KAZN: variants seen among roughly 807,000 people sequenced by gnomAD.
KAZN encodes kazrin, periplakin interacting protein, also known as kazrin.
A neutral mutation model predicts 87.4 loss-of-function variants in KAZN; 40 were observed. That is an observed-to-expected ratio of 0.46 (90% CI 0.36 to 0.60). The LOEUF (loss-of-function observed/expected upper bound fraction) is 0.60. Ranked by LOEUF, KAZN falls within the 20% of genes least tolerant of loss-of-function variation. The probability of loss-of-function intolerance (pLI) is 0.00; values close to 1 mark genes in which losing one functional copy is unlikely to be tolerated. For synonymous variants in KAZN, 466 were observed against 458.3 expected, an observed-to-expected ratio of 1.02 and a Z score of -0.22; for missense variants, 898 against 1,073.9, an observed-to-expected ratio of 0.84 and a Z score of 2.29.
At chr1:15,057,312 C>G (rs1453222085) in intron 5 of KAZN, among the ~76,000 whole-genome samples, 1 of 152,252 alleles carries the variant, frequency 6.6e-6, no homozygotes, top group Non-Finnish European at 1.5e-5. Context: ...TCTTAGCACA[C>G]AACGTACGTT....
chr1:14,592,274 G>A (rs561031541), intron 2 of KAZN, among the ~76,000 whole-genome samples: 1 of 152,176 alleles, frequency 6.6e-6, no homozygotes, highest in Non-Finnish European at 1.5e-5. Flanking sequence ...GGGATGAGGA[G>A]GGCACACAGG....
At chr1:14,717,490 G>A (rs937145958) in intron 1 of KAZN, among the ~76,000 whole-genome samples, 7 of 152,044 alleles carry the variant, frequency 4.6e-5, no homozygotes, top group Non-Finnish European at 7.4e-5. Flanking sequence ...GGCAGCATCC[G>A]ATCTCTGCCC....
At chr1:13,921,857 T>C (rs1482348452) in intron 1 of KAZN, among the ~76,000 whole-genome samples, 1 of 152,090 alleles carries the variant, frequency 6.6e-6, no homozygotes, top group African/African-American at 2.4e-5. Flanking sequence ...GATCTCGATC[T>C]CCTGACCTCG....
rs114101178 is a variant in KAZN at position 14,892,849 on chromosome 1, C to A, written c.227-67835C>A. On this transcript the variant is annotated intron_variant, in intron 1 of 14. Transcript: ENST00000376030. ...TCTCCAATACCTACACACACACACA[C>A]AAAAGCTTCCAGAAGAAAGGAAAAA... 4.4e-3 allele frequency among the ~76,000 whole-genome samples: 670 copies of A among 152,204 alleles called. 4 individuals carry two copies. The highest frequency in any genetic ancestry group is 0.015 in the African/African-American group (629 of 41,522).
chr1:14,188,795 T>G (rs141958481), intron 2 of KAZN, among the ~76,000 whole-genome samples: 264 of 152,252 alleles, frequency 1.7e-3, no homozygotes, highest in African/African-American at 6.2e-3. Flanking sequence ...GGAAAGTAAT[T>G]TCATTGCCAA....
rs562841609 is a variant in KAZN, at chr1:14,996,445, G to A, written c.418+35570G>A. On this transcript the variant is annotated intron_variant, in intron 2 of 14. Transcript: ENST00000376030. This position sits in a 1 kb window ranked among gnomAD's most constrained non-coding sequence, Gnocchi z 5.9. The stretch of plus-strand genomic sequence containing the variant: ...TAGTCATCACTGTATCATCAGACCC[G>A]GCACAGGGCCTGGCCTACAGTGGGT... 3.3e-5 allele frequency among the ~76,000 whole-genome samples: 5 copies of A among 152,178 alleles called. No individual in the cohort carries two copies. The highest frequency in any genetic ancestry group is 6.5e-5 in the Admixed American group (1 of 15,276).
At chr1:14,779,696 A>G (rs983537300) in intron 1 of KAZN, among the ~76,000 whole-genome samples, 6 of 152,114 alleles carry the variant, frequency 3.9e-5, no homozygotes, top group Non-Finnish European at 7.4e-5. Flanking sequence ...AGTTCCTGGG[A>G]AGGGTTTGGC....
intron 1 of KAZN, among the ~76,000 whole-genome samples, chr1:14,826,183 C>G (rs553150118): frequency 1.3e-5 from 2 of 152,236 alleles, no homozygotes; most frequent in South Asian, 4.2e-4. Context: ...GACAGAGGCA[C>G]AGAGAGACTC....
chr1:14,032,496 C>T (rs768496555), intron 1 of KAZN, among the ~76,000 whole-genome samples: 1 of 152,206 alleles, frequency 6.6e-6, no homozygotes, highest in Non-Finnish European at 1.5e-5. Context: ...GTAGAATCCA[C>T]CAACCTCTGT....
At chr1:14,859,124 G>A (rs1051734443) in intron 1 of KAZN, among the ~76,000 whole-genome samples, 2 of 151,800 alleles carry the variant, frequency 1.3e-5, no homozygotes, top group Admixed American at 6.6e-5. Context: ...GGAGAATGGC[G>A]TGAACCTGGG....
At chr1:13,915,991 G>A (rs1323336229) in intron 1 of KAZN, among the ~76,000 whole-genome samples, 2 of 152,224 alleles carry the variant, frequency 1.3e-5, no homozygotes, top group Non-Finnish European at 2.9e-5. Context: ...AAGCATTGGT[G>A]GAAGCTGTGG....
intron 1 of KAZN, among the ~76,000 whole-genome samples, chr1:13,983,463 G>C (rs1380790046): frequency 6.6e-6 from 1 of 152,232 alleles, no homozygotes; most frequent in Non-Finnish European, 1.5e-5. Context: ...CTGAGTGCAG[G>C]GCCCGCCAAG....
At chr1:14,190,717 C>T (rs1038029602) in intron 2 of KAZN, among the ~76,000 whole-genome samples, 5 of 152,098 alleles carry the variant, frequency 3.3e-5, no homozygotes, top group Admixed American at 1.3e-4. Context: ...TGAGGGATCA[C>T]GTGGAGCCCA....
chr1:14,218,501 A>C (rs769674211), intron 2 of KAZN, among the ~76,000 whole-genome samples: 11 of 152,192 alleles, frequency 7.2e-5, no homozygotes, highest in Non-Finnish European at 1.5e-4. Flanking sequence ...TGTCATACAC[A>C]TACCTCGTTA....
chr1:14,101,194 G>C (rs1301917283), intron 1 of KAZN, among the ~76,000 whole-genome samples: 1 of 152,130 alleles, frequency 6.6e-6, no homozygotes, highest in Non-Finnish European at 1.5e-5. Context: ...TTGCAAACAG[G>C]CCTTGAAAGG....
rs1638914536 is a variant in KAZN, at chr1:13,984,475, C to A, written c.91+90719C>A. Among the ~76,000 whole-genome samples the A allele has an allele frequency of 2.0e-5, 3 of 152,122 alleles. No homozygotes were observed. In the South Asian group the frequency reaches 6.2e-4, roughly 32 times the overall value. ...AAAGCAACTTGAGCACAAATAAATTCATATTTTGACCTAATAATTCTAATT... is the reference window on the plus strand; with the variant it reads ...AAAGCAACTTGAGCACAAATAAATTAATATTTTGACCTAATAATTCTAATT... On this transcript the variant is annotated intron_variant, in intron 1 of 16. Coordinates refer to the KAZN transcript ENST00000636203.
chr1:14,099,220 T>C (rs1489916305), intron 1 of KAZN, among the ~76,000 whole-genome samples: 3 of 152,116 alleles, frequency 2.0e-5, no homozygotes, highest in Non-Finnish European at 4.4e-5. Flanking sequence ...CACTCAATCA[T>C]TAGCTTCTGG....
At chr1:14,433,257 C>A (rs1329698362) in intron 2 of KAZN, among the ~76,000 whole-genome samples, 1 of 152,166 alleles carries the variant, frequency 6.6e-6, no homozygotes, top group Non-Finnish European at 1.5e-5. Context: ...CAGCACCCAC[C>A]CCCCACAGAG....
intron 1 of KAZN, among the ~76,000 whole-genome samples, chr1:14,906,075 GA>G (rs1287728669): frequency 6.6e-6 from 1 of 151,494 alleles, no homozygotes; most frequent in Admixed American, 6.6e-5. Flanking sequence ...GCTGAGGCAG[GA>G]AAATCACTTG....
Sources: allele counts gnomAD v4.1 joint callset (sites outside exome capture counted in the v4.1 genomes callset), GRCh38; gene constraint gnomAD v4.1.1; non-coding constraint Gnocchi (gnomAD v3.1); transcripts MANE v1.5; gene names NCBI Gene and HGNC (gene_info 2026-07-23, HGNC 2026-07-21).